CTNND2: variants seen among roughly 807,000 people sequenced by gnomAD.
CTNND2 encodes catenin delta 2.
CTNND2 carries 22 observed loss-of-function variants against 144.4 expected under a neutral mutation model. The observed-to-expected ratio is 0.15, with a 90% CI of 0.11 to 0.22. The LOEUF is 0.22. Among genes scored for constraint, CTNND2 ranks in the 10% least tolerant of loss-of-function variants. The probability of loss-of-function intolerance (pLI) is 1.00; values close to 1 mark genes in which losing one functional copy is unlikely to be tolerated. For synonymous variants in CTNND2, 751 were observed against 695.6 expected, an observed-to-expected ratio of 1.08 and a Z score of -1.25; for missense variants, 1,353 against 1,618.8, an observed-to-expected ratio of 0.84 and a Z score of 2.82.
intron 2 of CTNND2, among the ~76,000 whole-genome samples, chr5:11,671,136 G>GA (rs1369397419): frequency 6.6e-6 from 1 of 152,166 alleles, no homozygotes; most frequent in Non-Finnish European, 1.5e-5. Flanking sequence ...AGTTTCTGCT[G>GA]AGAGATCCGC....
chr5:11,696,702 A>G (rs1785156100), intron 2 of CTNND2, among the ~76,000 whole-genome samples: 1 of 152,206 alleles, frequency 6.6e-6, no homozygotes, highest in Admixed American at 6.5e-5. Context: ...AGTGGTTTTC[A>G]GGTTGAGCAC....
chr5:11,630,137 C>T (rs551571023), intron 2 of CTNND2, among the ~76,000 whole-genome samples: 12 of 152,116 alleles, frequency 7.9e-5, no homozygotes, highest in Non-Finnish European at 1.6e-4. Flanking sequence ...CTTCTTAGTC[C>T]TGGCATCTGC....
chr5:11,429,732 G>A (rs1039609309), intron 3 of CTNND2, among the ~76,000 whole-genome samples: 2 of 152,124 alleles, frequency 1.3e-5, no homozygotes, highest in Non-Finnish European at 2.9e-5. Context: ...TTGGCGTTTT[G>A]TATAGATTTT....
chr5:11,481,120 G>T (rs912545137), intron 3 of CTNND2, among the ~76,000 whole-genome samples: 1 of 152,124 alleles, frequency 6.6e-6, no homozygotes, highest in African/African-American at 2.4e-5. Flanking sequence ...ATTGGCAGGG[G>T]ACTCACAGCC....
At chr5:11,240,785 ACCC>A (rs566074709) in intron 9 of CTNND2, among the ~76,000 whole-genome samples, 1 of 126,642 alleles carries the variant, frequency 7.9e-6, no homozygotes, top group African/African-American at 3.1e-5. Flanking sequence ...CAGCACACAC[ACCC>A]CCAACCCCCA....
At chr5:11,199,352 A>G in intron 11 of CTNND2, 96 bp downstream of exon 11, 2 of 1,109,918 alleles carry the variant, frequency 1.8e-6, no homozygotes, top group Admixed American at 3.8e-5. Flanking sequence ...TTATTAGAAC[A>G]CCACAATATT....
At chr5:10,991,352 A>G (rs1331586244) in intron 19 of CTNND2, among the ~76,000 whole-genome samples, 1 of 152,240 alleles carries the variant, frequency 6.6e-6, no homozygotes, top group Non-Finnish European at 1.5e-5. Context: ...TTTCCTCAGC[A>G]GGGAGAGGGC....
chr5:11,396,287 C>G (rs1224720429), intron 6 of CTNND2, among the ~76,000 whole-genome samples: 2 of 152,076 alleles, frequency 1.3e-5, no homozygotes, highest in Admixed American at 1.3e-4. Flanking sequence ...CAAAATTATA[C>G]TCTGGTGGGT....
intron 11 of CTNND2, among the ~76,000 whole-genome samples, chr5:11,168,104 G>T (rs10071197): frequency 0.58 from 88,746 of 151,946 alleles, 27,079 homozygotes; most frequent in African/African-American, 0.76. Flanking sequence ...ACAGACAAAA[G>T]ACTATAATTG....
At chr5:11,727,470 A>G (rs1330860389) in intron 2 of CTNND2, among the ~76,000 whole-genome samples, 2 of 152,072 alleles carry the variant, frequency 1.3e-5, no homozygotes, top group Non-Finnish European at 1.5e-5. Context: ...GATGATCACT[A>G]TTCCTAATAC....
chr5:11,412,469 G>A (rs6884781), intron 3 of CTNND2, among the ~76,000 whole-genome samples: 5,418 of 152,022 alleles, frequency 0.036, 315 homozygotes, highest in African/African-American at 0.12. Flanking sequence ...TTTTTTATTA[G>A]AGAGATGAAA....
At chr5:11,486,201 GGGTGATAAAATCCAGTAGATCATACTA>G (rs1768801065) in intron 3 of CTNND2, among the ~76,000 whole-genome samples, 2 of 152,082 alleles carry the variant, frequency 1.3e-5, no homozygotes, top group African/African-American at 4.8e-5. Flanking sequence ...AGATCACACT[GGGTGATAAAATCCAGTAGATCATACTA>G]GGTGATAATA....
At chr5:11,112,672 T>A (rs1188009527) in intron 13 of CTNND2, among the ~76,000 whole-genome samples, 1 of 152,196 alleles carries the variant, frequency 6.6e-6, no homozygotes, top group African/African-American at 2.4e-5. Context: ...AATGTTCATA[T>A]CATTAACAGT....
At chr5:11,571,839 T>A (rs1450448042) in intron 2 of CTNND2, among the ~76,000 whole-genome samples, 1 of 152,182 alleles carries the variant, frequency 6.6e-6, no homozygotes, top group Non-Finnish European at 1.5e-5. Context: ...TATCTCTGGG[T>A]TTACCAGCTC....
At chr5:11,467,018 G>T (rs1421398038) in intron 3 of CTNND2, among the ~76,000 whole-genome samples, 1 of 152,202 alleles carries the variant, frequency 6.6e-6, no homozygotes, top group East Asian at 1.9e-4. Context: ...GACAGCTCAG[G>T]ACATGGAAAT....
chr5:11,228,168 C>T (rs1262830151), intron 10 of CTNND2, among the ~76,000 whole-genome samples: 2 of 151,644 alleles, frequency 1.3e-5, no homozygotes, highest in African/African-American at 4.8e-5. Flanking sequence ...ATGGTGAAAA[C>T]CCGTCTCTAC....
At chr5:11,902,178 C>T (rs1272859206) in intron 1 of CTNND2, among the ~76,000 whole-genome samples, 3 of 152,208 alleles carry the variant, frequency 2.0e-5, no homozygotes, top group Admixed American at 2.0e-4. Context: ...GCCCTGAGCC[C>T]TTGGAACCCA....
At chr5:11,428,169 T>C (rs1428617705) in intron 3 of CTNND2, among the ~76,000 whole-genome samples, 1 of 152,134 alleles carries the variant, frequency 6.6e-6, no homozygotes, top group Non-Finnish European at 1.5e-5. Flanking sequence ...AGTTGAGACT[T>C]GGTGGGGACA....
At chr5:11,176,633 C>A (rs1760507024) in intron 11 of CTNND2, among the ~76,000 whole-genome samples, 1 of 152,094 alleles carries the variant, frequency 6.6e-6, no homozygotes, top group African/African-American at 2.4e-5. Flanking sequence ...ACCTCTTTCT[C>A]CAAACCACCT....
Sources: allele counts gnomAD v4.1 joint callset (sites outside exome capture counted in the v4.1 genomes callset), GRCh38; gene constraint gnomAD v4.1.1; transcripts MANE v1.5; gene names NCBI Gene and HGNC (gene_info 2026-07-23, HGNC 2026-07-21).